Variants in DACH1 observed in about 807,000 individuals in gnomAD.
The protein encoded by DACH1 is dachshund family transcription factor 1, also known as dachshund homolog 1.
DACH1 carries 12 observed loss-of-function variants against 54.2 expected under a neutral mutation model. That is an observed-to-expected ratio of 0.22 (90% CI 0.14 to 0.36). The LOEUF (loss-of-function observed/expected upper bound fraction) is 0.36, where lower values mean the gene tolerates loss of function less well. Among genes scored for constraint, DACH1 ranks in the 10% least tolerant of loss-of-function variants. DACH1 has a pLI of 1.00. For synonymous variants in DACH1, 386 were observed against 366.2 expected, an observed-to-expected ratio of 1.05 and a Z score of -0.62; for missense variants, 805 against 929.8, an observed-to-expected ratio of 0.87 and a Z score of 1.75.
intron 1 of DACH1, among the ~76,000 whole-genome samples, chr13:71,702,091 C>A (rs762788920): frequency 1.6e-4 from 25 of 151,926 alleles, no homozygotes; most frequent in Non-Finnish European, 3.1e-4. Context: ...CATGTTTTTC[C>A]ATTTTATTCT....
chr13:71,850,665 T>C (rs1873597601), intron 1 of DACH1, among the ~76,000 whole-genome samples: 1 of 152,216 alleles, frequency 6.6e-6, no homozygotes, highest in Admixed American at 6.5e-5. Context: ...ATATGTGCTA[T>C]ATAAATTGTG....
chr13:71,809,539 T>A (rs567590140), intron 1 of DACH1, among the ~76,000 whole-genome samples: 2 of 152,330 alleles, frequency 1.3e-5, no homozygotes, highest in Non-Finnish European at 2.9e-5. Flanking sequence ...CACAAATTAA[T>A]AAGTAAAACT....
chr13:71,819,730 A>G (rs1479041346), intron 1 of DACH1, among the ~76,000 whole-genome samples: 1 of 152,194 alleles, frequency 6.6e-6, no homozygotes, highest in East Asian at 1.9e-4. Flanking sequence ...TAACAAAGAA[A>G]TTAATTCTTA....
chr13:71,595,213 G>C (rs1194103665), intron 3 of DACH1, among the ~76,000 whole-genome samples: 1 of 152,036 alleles, frequency 6.6e-6, no homozygotes, highest in Non-Finnish European at 1.5e-5. Context: ...ATGTTAAGGA[G>C]CCCTGTTTGG....
chr13:71,601,072 G>C (rs1402256479), intron 3 of DACH1, among the ~76,000 whole-genome samples: 4 of 151,868 alleles, frequency 2.6e-5, no homozygotes, highest in Non-Finnish European at 4.4e-5. Flanking sequence ...AGTAGGATTT[G>C]CTTTTTATTC....
At chr13:71,834,105 A>C (rs1290643483) in intron 1 of DACH1, among the ~76,000 whole-genome samples, 2 of 151,988 alleles carry the variant, frequency 1.3e-5, no homozygotes, top group Non-Finnish European at 2.9e-5. Context: ...TTCTCCAAGG[A>C]CTCTTAATAA....
chr13:71,799,837 C>T (rs909516837), intron 1 of DACH1, among the ~76,000 whole-genome samples: 3 of 152,114 alleles, frequency 2.0e-5, no homozygotes, highest in Admixed American at 6.6e-5. Context: ...ATTATGACTA[C>T]TGGCAATGAG....
intron 2 of DACH1, among the ~76,000 whole-genome samples, chr13:71,670,257 TAC>T (rs1480656803): frequency 2.0e-5 from 3 of 152,210 alleles, no homozygotes; most frequent in Non-Finnish European, 2.9e-5. Context: ...TGAATTAGGT[TAC>T]AGTTTTATCA....
At position 71,866,143 on chromosome 13, in the gene DACH1, G is replaced by A. The variant is rs372704607; in HGVS notation, c.627C>T (p.Ile209=). The A allele has an allele frequency of 1.9e-6, 3 of 1,613,238 alleles. No individual in the cohort carries two copies. Among genetic ancestry groups the A allele is most frequent in the Non-Finnish European group, 2.5e-6 (3 of 1,179,710 alleles). ...ACAGGTCGAAAGCCTGGGGCAGGCA[G>A]ATCAGCTCGCAGCCCTCCACCGTGA... The part of the protein sequence containing the change: ...ASFTVEGCEL[I]CLPQAFDLFL... The change falls in exon 1 of 11, where the codon ATC becomes ATT. Residue 209 remains isoleucine (I), a synonymous_variant. Coordinates refer to ENST00000613252, the MANE Select transcript of DACH1 (RefSeq NM_080759.6).
chr13:71,710,071 T>A (rs1291469420), intron 1 of DACH1, among the ~76,000 whole-genome samples: 3 of 152,098 alleles, frequency 2.0e-5, no homozygotes, highest in Non-Finnish European at 4.4e-5. Context: ...CTTACACATA[T>A]ATTTTTTGTA....
chr13:71,441,624 A>G (rs988547180), intron 10 of DACH1, among the ~76,000 whole-genome samples: 3 of 152,054 alleles, frequency 2.0e-5, no homozygotes, highest in Admixed American at 2.0e-4. Context: ...TGTTTGCAAA[A>G]TGTCTGGTAA....
chr13:71,481,155 T>A (rs1178694447), intron 7 of DACH1, among the ~76,000 whole-genome samples: 2 of 152,210 alleles, frequency 1.3e-5, no homozygotes, highest in African/African-American at 4.8e-5. Flanking sequence ...AAATTCTAAT[T>A]TTCTGCTCTG....
chr13:71,640,871 A>G (rs1399259197), intron 2 of DACH1, among the ~76,000 whole-genome samples: 2 of 152,114 alleles, frequency 1.3e-5, no homozygotes, highest in Non-Finnish European at 2.9e-5. Flanking sequence ...ATTTCCTGCA[A>G]AAGAATAACC....
chr13:71,837,748 G>GCAAAGACTTGGCAC (rs368052367), intron 1 of DACH1, among the ~76,000 whole-genome samples: 1 of 139,574 alleles, frequency 7.2e-6, no homozygotes, highest in Admixed American at 7.1e-5. Flanking sequence ...ATTCACAATA[G>GCAAAGACTTGGCAC]CAACCCAAAT....
intron 3 of DACH1, among the ~76,000 whole-genome samples, chr13:71,606,612 T>A (rs1874900950): frequency 6.6e-6 from 1 of 152,010 alleles, no homozygotes; most frequent in Admixed American, 6.6e-5. Context: ...TTCTCTTGTA[T>A]GCAAACAGTT....
chr13:71,625,814 C>T (rs142925246), intron 3 of DACH1, among the ~76,000 whole-genome samples: 1 of 151,942 alleles, frequency 6.6e-6, no homozygotes, highest in Non-Finnish European at 1.5e-5. Context: ...ACAAGTACTT[C>T]CCTTCCTTAA....
At chr13:71,613,413 G>A (rs1339033773) in intron 3 of DACH1, among the ~76,000 whole-genome samples, 2 of 152,152 alleles carry the variant, frequency 1.3e-5, no homozygotes, top group Non-Finnish European at 2.9e-5. Context: ...GCAATGAAAC[G>A]CCATTGAAAG....
chr13:71,631,432 C>A (rs1333740426), intron 2 of DACH1, among the ~76,000 whole-genome samples: 1 of 152,140 alleles, frequency 6.6e-6, no homozygotes, highest in African/African-American at 2.4e-5. Flanking sequence ...TCTGTTGGGA[C>A]ACCTGTTTTC....
chr13:71,753,974 C>T (rs905872711), intron 1 of DACH1, among the ~76,000 whole-genome samples: 2 of 152,114 alleles, frequency 1.3e-5, no homozygotes, highest in African/African-American at 4.8e-5. Context: ...GCCACAGATG[C>T]AAAGAGAAAC....
Sources: gnomAD v4.1 joint callset for allele counts (sites outside exome capture counted in the v4.1 genomes callset) on GRCh38, gnomAD v4.1.1 for gene constraint, MANE v1.5 for transcripts, NCBI Gene and HGNC (gene_info 2026-07-23, HGNC 2026-07-21) for gene names.